ACRV1: variants seen among roughly 807,000 people sequenced by gnomAD.
ACRV1 encodes the protein acrosomal protein SP-10.
ACRV1 carries 17 observed loss-of-function variants against 29.2 expected under a neutral mutation model. The ratio of observed to expected loss-of-function variants is 0.58; its 90% CI spans 0.40 to 0.87. The LOEUF is 0.87. Among genes scored for constraint, ACRV1 ranks in the 40% least tolerant of loss-of-function variants. The pLI, the probability that ACRV1 is intolerant of heterozygous loss-of-function variation, is 0.00. For missense variants in ACRV1, 294 were observed against 316.0 expected (o/e 0.93, Z 0.53); for synonymous variants, 98 against 111.6 (o/e 0.88, Z 0.77).
intron 3 of ACRV1, among the ~76,000 whole-genome samples, chr11:125,673,217 T>C (rs973905113): frequency 7.9e-5 from 12 of 151,334 alleles, no homozygotes; most frequent in East Asian, 5.8e-4. Context: ...CTTTTCTTTT[T>C]TTTTTTTGAG....
chr11:125,672,429 G>T lies in ACRV1; in HGVS notation c.*164C>A. 1 of 758,368 alleles carries T rather than the reference G, an allele frequency of 1.3e-6. No homozygotes were observed. Among genetic ancestry groups the T allele is most frequent in the Non-Finnish European group, 2.1e-6 (1 of 473,186 alleles). 47.0% of individuals were successfully genotyped at this position (758,368 alleles called of 1,614,324 possible). A position where few individuals can be genotyped will look rare whatever the true frequency, so the allele number is the denominator to read the frequency against. ...ACAGGACAGAGAAGAATGGATAAAA[G>T]CATGAATAGAAGAAGAAAGATAGGA... is the stretch of plus-strand genomic sequence containing the variant. On this transcript the variant is annotated 3_prime_UTR_variant, in exon 4 of 4. Transcript: ENST00000533904.
In ACRV1 at chr11:125,678,092, T is replaced by A. The variant is rs755148513; in HGVS notation, c.258A>T (p.Gly86=). ...SKHTVAEHTS[G]EHAESEHASG... is the part of the protein sequence containing the mutation. ...AAGCATGCTCACTCTCAGCATGTTC[T>A]CCAGAAGTGTGCTCGGCCACAGTGT... is the stretch of plus-strand genomic sequence containing the variant. The change falls in exon 2 of 4, where the codon GGA becomes GGT. Residue 86 remains glycine, a synonymous_variant. Transcript: ENST00000533904. 28 of 1,614,068 alleles carry A rather than the reference T, an allele frequency of 1.7e-5. No homozygotes were observed. The East Asian group carries it at 4.7e-4, about 27-fold the overall frequency.
chr11:125,677,962 A>G lies in ACRV1; in HGVS notation c.388T>C (p.Leu130=). 1 of 1,612,406 alleles carries G rather than the reference A, an allele frequency of 6.2e-7. No homozygotes were observed. Among genetic ancestry groups the G allele is most frequent in the Non-Finnish European group, 8.5e-7 (1 of 1,178,706 alleles). ...SGEHLSGEQP[L]SELESGEQPS... ...TGTTCACCTGACTCAAGCTCACTCA[A>G]AGGCTGTTCTCCGGAGAGGTGTTCA... The change falls in exon 2 of 4, where the codon TTG becomes CTG. Residue 130 remains leucine (L), a synonymous_variant. Transcript: ENST00000533904.
At chr11:125,680,143 G>GT (rs756825278) in intron 1 of ACRV1, among the ~76,000 whole-genome samples, 51 of 152,256 alleles carry the variant, frequency 3.3e-4, no homozygotes, top group Non-Finnish European at 5.4e-4. Context: ...AAAATACATT[G>GT]TTTTTTCACT....
chr11:125,678,421 C>T, intron 1 of ACRV1, 124 bp from the exon 2 acceptor site: 1 of 1,134,998 alleles, frequency 8.8e-7, no homozygotes. Flanking sequence ...AGATTGGGCA[C>T]CTGAAGACTG....
At chr11:125,675,788 A>G (rs956782909) in intron 3 of ACRV1, 2 of 152,910 alleles carry the variant, frequency 1.3e-5, no homozygotes, top group Non-Finnish European at 2.9e-5. Flanking sequence ...CAATCAACAC[A>G]TTGCTTTAAT....
At chr11:125,675,522 A>G (rs1340777251) in intron 3 of ACRV1, among the ~76,000 whole-genome samples, 2 of 152,224 alleles carry the variant, frequency 1.3e-5, no homozygotes, top group African/African-American at 4.8e-5. Context: ...CTACAAGAGG[A>G]GTCAGGCAGT....
In ACRV1 at chr11:125,678,026, A is replaced by G. The variant is rs548042535; in HGVS notation, c.324T>C (p.His108=). The G allele has an allele frequency of 4.1e-4, 663 of 1,614,102 alleles. 5 individuals carry two copies. The South Asian group carries it at 6.9e-3, about 17-fold the overall frequency. ...PAATEHAEGE[H]TVGEQPSGEQ... is the part of the protein sequence containing the mutation. ...CTCCTGAAGGCTGCTCACCTACAGT[A>G]TGCTCACCTTCAGCATGTTCAGTCG... Residue 108 remains histidine (H), a synonymous_variant, in exon 2 of 4, where the codon CAT becomes CAC. Coordinates refer to ENST00000533904, the MANE Select transcript of ACRV1 (RefSeq NM_001612.6).
chr11:125,672,827 C>A, intron 3 of ACRV1, 110 bp from the exon 4 acceptor site: 1 of 1,316,710 alleles, frequency 7.6e-7, no homozygotes. Flanking sequence ...CTCCACTTGT[C>A]CATTATCCCT....
At chr11:125,676,263 G>C in intron 3 of ACRV1, 96 bp downstream of exon 3, 1 of 1,448,374 alleles carries the variant, frequency 6.9e-7, no homozygotes, top group South Asian at 1.2e-5. Flanking sequence ...CAAGTTCCTT[G>C]ATTCTTTCCT....
rs1436501296 is a variant in ACRV1 at position 125,676,481 on chromosome 11, G to A, written c.554-3C>T. On this transcript the variant is annotated splice_region_variant and splice_polypyrimidine_tract_variant and intron_variant, in intron 2 of 3. Coordinates refer to ENST00000533904, the MANE Select transcript of ACRV1 (RefSeq NM_001612.6). Reference sequence around the variant, plus strand: ...TGTGTAGCAATTTAATATTGTGCCTGAAAATTTAAGATAAGCCTGATGACA... The same window carrying A: ...TGTGTAGCAATTTAATATTGTGCCTAAAAATTTAAGATAAGCCTGATGACA... The A allele has an allele frequency of 1.2e-6, 2 of 1,613,946 alleles. No homozygotes were observed. Among genetic ancestry groups the A allele is most frequent in the African/African-American group, 2.7e-5 (2 of 74,914 alleles).
chr11:125,676,224 G>C, intron 3 of ACRV1, 135 bp downstream of exon 3: 1 of 1,206,494 alleles, frequency 8.3e-7, no homozygotes, highest in Non-Finnish European at 1.2e-6. Context: ...TCTGTTCTTA[G>C]TCCTTGAAAA....
Position 125,678,007 on chromosome 11 carries a change from A to G in ACRV1, c.343T>C (p.Ser115Pro). Residue 115 changes from serine to proline, a missense_variant, in exon 2 of 4, where the codon TCA (serine) becomes CCA (proline). Physicochemically the swap from Ser to Pro is moderately conservative, Grantham distance 74. Coordinates refer to ENST00000533904, the MANE Select transcript of ACRV1 (RefSeq NM_001612.6). Reference protein sequence around the residue: ...EGEHTVGEQPSGEQPSGEHLS... With the variant: ...EGEHTVGEQPPGEQPSGEHLS... The stretch of plus-strand genomic sequence containing the variant: ...TGTTCACCTGAAGGCTGTTCTCCTG[A>G]AGGCTGCTCACCTACAGTATGCTCA... The G allele has an allele frequency of 6.2e-7, 1 of 1,613,966 alleles. No individual in the cohort carries two copies.
rs1942766389 is a variant in ACRV1 at position 125,680,837 on chromosome 11, T to A, written c.-57A>T. The A allele has an allele frequency of 6.9e-7, 1 of 1,447,864 alleles. No homozygotes were observed. The highest frequency in any genetic ancestry group is 1.8e-5 in the Admixed American group (1 of 54,944). The allele number at this position is 1,447,864 out of a possible 1,614,324, so 89.7% of individuals were successfully genotyped here. ...GGGCCACAGCTTCTTCACAGAGCTA[T>A]GAAGCAAACTGCGAGCAAAAGCTTC... On this transcript the variant is annotated 5_prime_UTR_variant, in exon 1 of 4. Transcript: ENST00000533904.
At chr11:125,678,585 C>CA (rs1401971019) in intron 1 of ACRV1, among the ~76,000 whole-genome samples, 2 of 151,952 alleles carry the variant, frequency 1.3e-5, no homozygotes, top group Non-Finnish European at 2.9e-5. Flanking sequence ...CATCCATGTA[C>CA]AAAAAACCCC....
intron 2 of ACRV1, among the ~76,000 whole-genome samples, chr11:125,677,133 A>T (rs1942548533): frequency 6.6e-6 from 1 of 152,334 alleles, no homozygotes; most frequent in African/African-American, 2.4e-5. Context: ...GTGACATTGG[A>T]CATATTACAT....
intron 2 of ACRV1, among the ~76,000 whole-genome samples, chr11:125,677,413 A>T (rs1441617839): frequency 1.3e-5 from 2 of 152,354 alleles, no homozygotes; most frequent in East Asian, 3.9e-4. Flanking sequence ...AAGTTATAGC[A>T]TTCTAACATG....
chr11:125,674,486 G>A (rs538589229), intron 3 of ACRV1, among the ~76,000 whole-genome samples: 24 of 152,214 alleles, frequency 1.6e-4, no homozygotes, highest in Non-Finnish European at 2.8e-4. Flanking sequence ...GGTGACTTGC[G>A]TAGCTGGAGT....
At chr11:125,677,350 A>G (rs1942559682) in intron 2 of ACRV1, among the ~76,000 whole-genome samples, 1 of 152,192 alleles carries the variant, frequency 6.6e-6, no homozygotes. Context: ...TTTACATTCC[A>G]TGTTCAAACA....
Sources: allele counts gnomAD v4.1 joint callset (sites outside exome capture counted in the v4.1 genomes callset), GRCh38; gene constraint gnomAD v4.1.1; transcripts MANE v1.5; gene names NCBI Gene and HGNC (gene_info 2026-07-23, HGNC 2026-07-21).